ZNF644: variants seen among roughly 807,000 people sequenced by gnomAD.
The protein encoded by ZNF644 is zinc finger motif enhancer binding protein 2.
Under a neutral mutation model 108.0 loss-of-function variants are expected in ZNF644, and 20 were observed. The observed-to-expected ratio is 0.19, with a 90% CI of 0.13 to 0.27. ZNF644 has a LOEUF of 0.27. ZNF644 is among the 10% of genes least tolerant of loss of function. ZNF644 has a pLI of 1.00. For missense variants in ZNF644, 1,338 were observed against 1,548.9 expected, an observed-to-expected ratio of 0.86 and a Z score of 2.29; for synonymous variants, 542 against 539.1, an observed-to-expected ratio of 1.01 and a Z score of -0.08.
At position 90,941,321 on chromosome 1, in the gene ZNF644, A is replaced by G. The variant is rs1651959640; in HGVS notation, c.45-12T>C. On this transcript the variant is annotated splice_polypyrimidine_tract_variant and intron_variant, in intron 2 of 5. Transcript: ENST00000337393. ...TTAACACATTTAGTCTAGAAAATGGAAAAAAAAAATTTAGATTTGCATGAA... is the reference window on the plus strand; with the variant it reads ...TTAACACATTTAGTCTAGAAAATGGGAAAAAAAAATTTAGATTTGCATGAA... The G allele has an allele frequency of 1.3e-6, 2 of 1,554,852 alleles. No individual in the cohort carries two copies. Among genetic ancestry groups the G allele is most frequent in the Non-Finnish European group, 8.7e-7 (1 of 1,149,094 alleles).
chr1:91,021,074 C>A (rs1438859111), intron 1 of ZNF644: 1 of 152,212 alleles, frequency 6.6e-6, no homozygotes, highest in African/African-American at 2.4e-5. Flanking sequence ...TTAGCTCCAC[C>A]ACCTAAGTTT....
chr1:91,017,373 G>A (rs1286725508), intron 1 of ZNF644, among the ~76,000 whole-genome samples: 1 of 152,136 alleles, frequency 6.6e-6, no homozygotes, highest in Admixed American at 6.5e-5. Flanking sequence ...AAGAGGTAGG[G>A]CCAAGATTAG....
Position 90,916,809 on chromosome 1 carries a change from C to T in ZNF644, c.3973G>A (p.Ala1325Thr). 6.2e-7 allele frequency: 1 copy of T among 1,614,126 alleles called. No homozygotes were observed. The highest frequency in any genetic ancestry group is 8.5e-7 in the Non-Finnish European group (1 of 1,180,022). ...AAGGTTTCCTGGTTCTATGAAGCTG[C>T]TTCGGCCATTAGTAGAGAAAATGAA... is the stretch of plus-strand genomic sequence containing the variant. ...ETSFSLLMAE[A>T]AS is the part of the protein sequence containing the mutation. Residue 1325 changes from alanine to threonine, a missense_variant, in exon 6 of 6, where the codon GCA becomes ACA. By Grantham distance (58) the Ala-to-Thr change is moderately conservative. This residue lies in a region of ZNF644 where 34 missense variants were observed against 78.6 expected (regional missense o/e 0.43). Transcript: ENST00000337393.
At chr1:90,973,109 C>A (rs767289259) in intron 2 of ZNF644, 1 of 150,780 alleles carries the variant, frequency 6.6e-6, no homozygotes, top group Non-Finnish European at 1.5e-5. Context: ...TTTCATGTTA[C>A]ATATAGTTTA....
intron 4 of ZNF644, among the ~76,000 whole-genome samples, chr1:90,924,293 T>C (rs981039910): frequency 1.3e-5 from 2 of 152,192 alleles, no homozygotes; most frequent in Non-Finnish European, 2.9e-5. Flanking sequence ...GTTGGACTTG[T>C]ATGCCGTTTT....
At chr1:90,981,752 A>G (rs936920092) in intron 2 of ZNF644, among the ~76,000 whole-genome samples, 1 of 152,112 alleles carries the variant, frequency 6.6e-6, no homozygotes, top group African/African-American at 2.4e-5. Flanking sequence ...TCAGAATGCT[A>G]TATTAGAGAG....
intron 2 of ZNF644, 47 bp downstream of exon 2, chr1:90,982,263 T>C (rs1656626303): frequency 6.7e-7 from 1 of 1,481,494 alleles, no homozygotes; most frequent in Admixed American, 1.7e-5. Context: ...TTTTTTGTAT[T>C]ATTCCTACCT....
At chr1:90,987,665 C>T (rs1179087358) in intron 1 of ZNF644, among the ~76,000 whole-genome samples, 3 of 151,858 alleles carry the variant, frequency 2.0e-5, no homozygotes, top group African/African-American at 7.2e-5. Flanking sequence ...GGGAATACTT[C>T]AAATTCATTC....
chr1:90,959,717 G>A lies in ZNF644; in HGVS notation c.45-18408C>T, dbSNP rs184644965. Among the ~76,000 whole-genome samples the A allele has an allele frequency of 1.4e-3, 213 of 152,190 alleles. 1 individual carries two copies. Among genetic ancestry groups the A allele is most frequent in the African/African-American group, 5.0e-3 (208 of 41,534 alleles). On this transcript the variant is annotated intron_variant, in intron 2 of 5. Coordinates refer to ENST00000337393, the MANE Select transcript of ZNF644 (RefSeq NM_201269.3). Reference sequence around the variant, plus strand: ...TTACTTTACCAGGTGATGGAAGGGGGCAAATAGAAAGTGATTACGTAATGA... The same window carrying A: ...TTACTTTACCAGGTGATGGAAGGGGACAAATAGAAAGTGATTACGTAATGA...
chr1:90,952,033 GTC>G (rs145531805), intron 2 of ZNF644, among the ~76,000 whole-genome samples: 12 of 151,732 alleles, frequency 7.9e-5, no homozygotes, highest in Non-Finnish European at 1.6e-4. Context: ...TTCAGTATCT[GTC>G]TCTCTCTCTC....
In ZNF644 at chr1:90,939,584, C is replaced by T. The variant is rs1359576255; in HGVS notation, c.1770G>A (p.Met590Ile). The change falls in exon 3 of 6, where the codon ATG becomes ATA. Residue 590 changes from methionine (M) to isoleucine (I), a missense_variant. Physicochemically the swap from Met to Ile is conservative, Grantham distance 10. This residue lies in a region of ZNF644 where 462 missense variants were observed against 472.6 expected (regional missense o/e 0.98). Coordinates refer to ENST00000337393, the MANE Select transcript of ZNF644 (RefSeq NM_201269.3). Reference sequence around the variant, plus strand: ...TTTTGGCTGAAGTAGTAAAAGGACACATCTTACATATGTAGGTAGCTGATT... The same window carrying T: ...TTTTGGCTGAAGTAGTAAAAGGACATATCTTACATATGTAGGTAGCTGATT... ...SKKSATYICKMCPFTTSAKSV... is the reference protein window; with the variant it reads ...SKKSATYICKICPFTTSAKSV... 1 of 1,614,012 alleles carries T rather than the reference C, an allele frequency of 6.2e-7. No homozygotes were observed. The highest frequency in any genetic ancestry group is 8.5e-7 in the Non-Finnish European group (1 of 1,179,920).
chr1:90,990,277 A>C (rs1657513236), intron 1 of ZNF644, among the ~76,000 whole-genome samples: 1 of 152,202 alleles, frequency 6.6e-6, no homozygotes, highest in Admixed American at 6.5e-5. Flanking sequence ...ATACTTAAAA[A>C]CAGTTAAGAT....
intron 4 of ZNF644, among the ~76,000 whole-genome samples, chr1:90,932,626 G>T (rs1265497662): frequency 6.6e-6 from 1 of 151,902 alleles, no homozygotes; most frequent in Non-Finnish European, 1.5e-5. Flanking sequence ...ATTGATATGG[G>T]GGATAATCAG....
At chr1:90,981,356 A>G (rs906469018) in intron 2 of ZNF644, among the ~76,000 whole-genome samples, 3 of 152,114 alleles carry the variant, frequency 2.0e-5, no homozygotes, top group Non-Finnish European at 4.4e-5. Flanking sequence ...TCAAACTACC[A>G]CTACTGTTAT....
intron 1 of ZNF644, among the ~76,000 whole-genome samples, chr1:90,986,903 TA>T (rs1293150987): frequency 6.6e-6 from 1 of 151,550 alleles, no homozygotes; most frequent in African/African-American, 2.4e-5. Context: ...ATGTGGAAAT[TA>T]AAAAACTTAC....
chr1:90,972,926 G>T (rs1156831980), intron 2 of ZNF644: 1 of 152,160 alleles, frequency 6.6e-6, no homozygotes, highest in Non-Finnish European at 1.5e-5. Flanking sequence ...GAGAAAAATG[G>T]TGATTTCCAG....
At chr1:90,984,217 A>G (rs1036446532) in intron 1 of ZNF644, among the ~76,000 whole-genome samples, 4 of 152,204 alleles carry the variant, frequency 2.6e-5, no homozygotes, top group Non-Finnish European at 5.9e-5. Flanking sequence ...GAGCAACCAC[A>G]GGAAATTAAT....
At chr1:90,996,381 C>T (rs1169498210) in intron 1 of ZNF644, among the ~76,000 whole-genome samples, 1 of 152,212 alleles carries the variant, frequency 6.6e-6, no homozygotes, top group Non-Finnish European at 1.5e-5. Context: ...AGGCTTGGAG[C>T]AATCTAGGAA....
chr1:91,015,287 GCA>G (rs1272029245), intron 1 of ZNF644, among the ~76,000 whole-genome samples: 1 of 152,080 alleles, frequency 6.6e-6, no homozygotes, highest in Non-Finnish European at 1.5e-5. Flanking sequence ...CACCATACCA[GCA>G]CAGACATATA....
Sources: allele counts gnomAD v4.1 joint callset (sites outside exome capture counted in the v4.1 genomes callset), GRCh38; gene constraint gnomAD v4.1.1; regional missense constraint gnomAD v4.1.1; transcripts MANE v1.5; gene names NCBI Gene and HGNC (gene_info 2026-07-23, HGNC 2026-07-21).